The following DPP10 variants were observed in gnomAD, a reference collection of about 807,000 sequenced individuals.
The protein encoded by DPP10 is inactive dipeptidyl peptidase 10.
DPP10 carries 33 observed loss-of-function variants against 120.9 expected under a neutral mutation model. That is an observed-to-expected ratio of 0.27 (90% CI 0.21 to 0.37). The LOEUF is 0.37. DPP10 is among the 10% of genes least tolerant of loss of function. The pLI is 1.00. For missense variants in DPP10, 816 were observed against 942.8 expected, an observed-to-expected ratio of 0.87 and a Z score of 1.76; for synonymous variants, 337 against 326.1, an observed-to-expected ratio of 1.03 and a Z score of -0.36.
intron 1 of DPP10, among the ~76,000 whole-genome samples, chr2:115,009,432 TG>T (rs1012097723): frequency 1.8e-4 from 26 of 145,326 alleles, no homozygotes; most frequent in Admixed American, 1.1e-3. Context: ...TGTTGTGGGG[TG>T]GGGGTTGGTG....
At chr2:115,713,361 T>G (rs1465980811) in intron 7 of DPP10, among the ~76,000 whole-genome samples, 2 of 151,938 alleles carry the variant, frequency 1.3e-5, no homozygotes, top group African/African-American at 4.8e-5. Flanking sequence ...GAGTTAAAGG[T>G]TTTGGAATGC....
At chr2:114,676,208 T>A (rs1014633461) in intron 1 of DPP10, among the ~76,000 whole-genome samples, 4 of 152,170 alleles carry the variant, frequency 2.6e-5, no homozygotes, top group Non-Finnish European at 4.4e-5. Flanking sequence ...GGGAACAATT[T>A]GAGACAATGC....
intron 5 of DPP10, among the ~76,000 whole-genome samples, chr2:115,625,977 A>G (rs1015572957): frequency 4.0e-5 from 6 of 151,648 alleles, no homozygotes; most frequent in African/African-American, 1.5e-4. Context: ...ATATCTCTAT[A>G]TCTGTTTGTC....
chr2:115,459,370 T>C (rs1007808240), intron 3 of DPP10, among the ~76,000 whole-genome samples: 2 of 151,984 alleles, frequency 1.3e-5, no homozygotes, highest in South Asian at 2.1e-4. Flanking sequence ...TTGGCCAGGG[T>C]GGTCTCGAAC....
intron 1 of DPP10, among the ~76,000 whole-genome samples, chr2:115,221,754 GTTTTTTTTTTT>G (rs56077672): frequency 4.5e-4 from 54 of 120,150 alleles, no homozygotes; most frequent in African/African-American, 6.6e-4. Context: ...GTTTGTTTCT[GTTTTTTTTTTT>G]TTTTTTTTTT....
chr2:115,152,613 A>C (rs973406348), intron 1 of DPP10, among the ~76,000 whole-genome samples: 1 of 152,228 alleles, frequency 6.6e-6, no homozygotes, highest in African/African-American at 2.4e-5. Flanking sequence ...TTTACCTGGA[A>C]ACAGGTTTGT....
chr2:114,831,806 A>T (rs575318447), intron 1 of DPP10, among the ~76,000 whole-genome samples: 1 of 150,124 alleles, frequency 6.7e-6, no homozygotes, highest in South Asian at 2.1e-4. Flanking sequence ...AAGACTGGTT[A>T]TGTGTCTATA....
At chr2:114,815,378 C>T (rs970065186) in intron 1 of DPP10, among the ~76,000 whole-genome samples, 1 of 152,156 alleles carries the variant, frequency 6.6e-6, no homozygotes, top group South Asian at 2.1e-4. Flanking sequence ...CCCCCGTTCT[C>T]AAGGGTCCCT....
At chr2:114,966,168 C>T (rs1416316912) in intron 1 of DPP10, among the ~76,000 whole-genome samples, 1 of 152,024 alleles carries the variant, frequency 6.6e-6, no homozygotes, top group Non-Finnish European at 1.5e-5. Flanking sequence ...TTCACTGCAA[C>T]CTCCACCTCC....
At chr2:114,796,093 CT>C (rs1487096816) in intron 1 of DPP10, among the ~76,000 whole-genome samples, 1 of 152,194 alleles carries the variant, frequency 6.6e-6, no homozygotes, top group East Asian at 1.9e-4. Context: ...AGCAGTTTGT[CT>C]CTCCAGTAAA....
intron 1 of DPP10, among the ~76,000 whole-genome samples, chr2:114,924,915 T>C (rs1695487702): frequency 6.6e-6 from 1 of 152,110 alleles, no homozygotes; most frequent in Non-Finnish European, 1.5e-5. Context: ...AGATTACCTG[T>C]TAAAAACATA....
chr2:115,109,265 T>C (rs1469967624), intron 1 of DPP10, among the ~76,000 whole-genome samples: 1 of 152,074 alleles, frequency 6.6e-6, no homozygotes. Flanking sequence ...CGGCCAGGCA[T>C]GGTGGCTCAC....
intron 3 of DPP10, among the ~76,000 whole-genome samples, chr2:115,430,056 T>TA (rs1237723693): frequency 1.3e-5 from 2 of 152,146 alleles, no homozygotes; most frequent in Non-Finnish European, 1.5e-5. Flanking sequence ...CTTTTGCAAA[T>TA]ACCTGAAACC....
chr2:115,267,258 T>C (rs2059500186), intron 1 of DPP10, among the ~76,000 whole-genome samples: 1 of 152,186 alleles, frequency 6.6e-6, no homozygotes, highest in Admixed American at 6.5e-5. Context: ...GCTGTGGTGT[T>C]ATGGGTCTGA....
At chr2:115,368,091 T>C (rs1034131673) in intron 3 of DPP10, among the ~76,000 whole-genome samples, 2 of 152,170 alleles carry the variant, frequency 1.3e-5, no homozygotes, top group Admixed American at 1.3e-4. Context: ...GTGACCATTA[T>C]TGAAGGTTTA....
At chr2:115,258,334 A>G (rs1450007035) in intron 1 of DPP10, among the ~76,000 whole-genome samples, 1 of 152,144 alleles carries the variant, frequency 6.6e-6, no homozygotes, top group Non-Finnish European at 1.5e-5. Context: ...TTTTCATGGT[A>G]ACTTGCTGAA....
chr2:115,775,565 C>T (rs1012479513), intron 13 of DPP10, among the ~76,000 whole-genome samples: 10 of 152,040 alleles, frequency 6.6e-5, no homozygotes, highest in Admixed American at 1.3e-4. Flanking sequence ...GGATTTTCCA[C>T]ATCAGGGAAA....
At chr2:114,525,296 G>A (rs1685411625) in intron 1 of DPP10, among the ~76,000 whole-genome samples, 1 of 152,134 alleles carries the variant, frequency 6.6e-6, no homozygotes, top group Non-Finnish European at 1.5e-5. Flanking sequence ...GGGATTTTAG[G>A]CACCTTAATG....
chr2:115,210,416 A>G (rs992307893), intron 1 of DPP10, among the ~76,000 whole-genome samples: 10 of 152,082 alleles, frequency 6.6e-5, no homozygotes, highest in Non-Finnish European at 4.4e-5. Context: ...TATCCAGTCT[A>G]TCATTGTTGG....
Sources: gnomAD v4.1 joint callset for allele counts (sites outside exome capture counted in the v4.1 genomes callset) on GRCh38, gnomAD v4.1.1 for gene constraint, MANE v1.5 for transcripts, NCBI Gene and HGNC (gene_info 2026-07-23, HGNC 2026-07-21) for gene names.